The following STXBP6 variants were observed in gnomAD, a reference collection of about 807,000 sequenced individuals.
STXBP6 encodes the protein syntaxin binding protein 6, also known as syntaxin-binding protein 6.
STXBP6 carries 21 observed loss-of-function variants against 26.9 expected under a neutral mutation model. The observed-to-expected ratio is 0.78, with a 90% CI of 0.55 to 1.12. The LOEUF is 1.12. Among genes scored for constraint, STXBP6 ranks in the 50% most tolerant of loss-of-function variants. The pLI is 0.00. For synonymous variants in STXBP6, 97 were observed against 92.6 expected (o/e 1.05, Z -0.27); for missense variants, 232 against 257.9 (o/e 0.90, Z 0.69).
At chr14:24,872,922 G>T (rs1209721784) in intron 2 of STXBP6, among the ~76,000 whole-genome samples, 1 of 152,098 alleles carries the variant, frequency 6.6e-6, no homozygotes, top group East Asian at 1.9e-4. Context: ...CATTCATTTT[G>T]GGACTTTGTT....
intron 1 of STXBP6, among the ~76,000 whole-genome samples, chr14:25,015,591 C>T (rs2075131116): frequency 6.6e-6 from 1 of 151,816 alleles, no homozygotes; most frequent in African/African-American, 2.4e-5. Flanking sequence ...GTCAGAATCC[C>T]GGAGCAAGTT....
chr14:24,876,232 G>A (rs925378417), intron 2 of STXBP6, among the ~76,000 whole-genome samples: 3 of 152,198 alleles, frequency 2.0e-5, no homozygotes, highest in African/African-American at 7.2e-5. Flanking sequence ...GCCAGCCAGA[G>A]AGCAGCTGAT....
chr14:24,849,848 C>T (rs544584296), intron 4 of STXBP6, among the ~76,000 whole-genome samples: 1 of 152,060 alleles, frequency 6.6e-6, no homozygotes, highest in Non-Finnish European at 1.5e-5. Context: ...AATATGTGTG[C>T]GTGCATCTCC....
chr14:24,906,927 A>G (rs12896576), intron 2 of STXBP6, among the ~76,000 whole-genome samples: 21,140 of 152,108 alleles, frequency 0.14, 1,557 homozygotes, highest in African/African-American at 0.18. Flanking sequence ...AAATATACAA[A>G]CAGTACTATC....
At chr14:24,834,342 T>G (rs544832441) in intron 4 of STXBP6, among the ~76,000 whole-genome samples, 1 of 152,334 alleles carries the variant, frequency 6.6e-6, no homozygotes, top group African/African-American at 2.4e-5. Flanking sequence ...ACTTACAGGT[T>G]CAAATTTTAA....
intron 1 of STXBP6, among the ~76,000 whole-genome samples, chr14:24,976,942 A>C (rs545434133): frequency 7.3e-6 from 1 of 137,442 alleles, no homozygotes; most frequent in South Asian, 2.3e-4. Context: ...GACTCACTGC[A>C]ACCTCCACTT....
intron 2 of STXBP6, among the ~76,000 whole-genome samples, chr14:24,892,130 G>A (rs574392225): frequency 6.6e-6 from 1 of 152,176 alleles, no homozygotes; most frequent in African/African-American, 2.4e-5. Context: ...GGTAGTGTCT[G>A]TCTTGCTCCC....
intron 2 of STXBP6, among the ~76,000 whole-genome samples, chr14:24,925,813 T>TC (rs2072142330): frequency 6.6e-6 from 1 of 151,598 alleles, no homozygotes; most frequent in Non-Finnish European, 1.5e-5. Context: ...AATTTCTAAC[T>TC]CCCCCCTACA....
intron 1 of STXBP6, among the ~76,000 whole-genome samples, chr14:25,041,745 T>TGAAG (rs1209264612): frequency 6.6e-6 from 1 of 152,248 alleles, no homozygotes; most frequent in Non-Finnish European, 1.5e-5. Context: ...AGAAGCGCAG[T>TGAAG]GAGTCCCAGT....
intron 1 of STXBP6, among the ~76,000 whole-genome samples, chr14:25,020,473 C>CCAGG (rs1235031618): frequency 1.3e-5 from 2 of 152,108 alleles, no homozygotes. Context: ...ATCATTCGAA[C>CCAGG]CCTGACCAAA....
chr14:24,892,953 C>T (rs2070848100), intron 2 of STXBP6, among the ~76,000 whole-genome samples: 1 of 152,206 alleles, frequency 6.6e-6, no homozygotes, highest in South Asian at 2.1e-4. Flanking sequence ...CCACATTCCG[C>T]TGCTTTGAAG....
At chr14:24,944,342 T>C (rs564174554) in intron 2 of STXBP6, among the ~76,000 whole-genome samples, 3 of 152,328 alleles carry the variant, frequency 2.0e-5, no homozygotes, top group Non-Finnish European at 4.4e-5. Context: ...GCCATTTTTC[T>C]TCTTGCTTTA....
In STXBP6 at chr14:24,819,102, G is replaced by T. The variant is rs140322494; in HGVS notation, c.544C>A (p.Arg182=). 1.9e-6 allele frequency: 3 copies of T among 1,613,830 alleles called. No homozygotes were observed. Among genetic ancestry groups the T allele is most frequent in the Admixed American group, 1.7e-5 (1 of 59,990 alleles). Residue 182 remains arginine (R), a synonymous_variant, in exon 5 of 6, where the codon CGA becomes AGA. Transcript: ENST00000323944. Reference sequence around the variant, plus strand: ...AGGTCTTCTGTCTTCTCCTCTGCTCGGCCTAATCGCTCTCCACGCTCATTC... The same window carrying T: ...AGGTCTTCTGTCTTCTCCTCTGCTCTGCCTAATCGCTCTCCACGCTCATTC... ...ALNERGERLG[R]AEEKTEDLKN...
chr14:25,015,827 A>T (rs367703373), intron 1 of STXBP6, among the ~76,000 whole-genome samples: 15 of 151,812 alleles, frequency 9.9e-5, no homozygotes, highest in African/African-American at 3.6e-4. Flanking sequence ...TCAAACTGCT[A>T]CTTCTCCTGT....
intron 2 of STXBP6, among the ~76,000 whole-genome samples, chr14:24,937,447 G>C (rs2072642912): frequency 6.6e-6 from 1 of 152,134 alleles, no homozygotes; most frequent in Non-Finnish European, 1.5e-5. Flanking sequence ...TTTGAAGGCA[G>C]TTTACAGGGC....
rs1474648802 is a variant in STXBP6 at position 24,810,900 on chromosome 14, T to TGTGTGTGTGTGC, written c.*1808_*1809insGCACACACACAC. ...GTGTGTGTGTGTGTGTGTGTGTGTG[T>TGTGTGTGTGTGC]GCATTCTGAACTGAGATCTGCAAAC... is the stretch of plus-strand genomic sequence containing the variant. On this transcript the variant is annotated 3_prime_UTR_variant, in exon 6 of 6. Coordinates refer to ENST00000323944, the MANE Select transcript of STXBP6 (RefSeq NM_001394410.1). The TGTGTGTGTGTGC allele has an allele frequency of 5.3e-5, 8 of 152,214 alleles. No homozygotes were observed. In the East Asian group the frequency reaches 1.5e-3, roughly 29 times the overall value. The allele number at this position is 152,214 out of a possible 1,614,324, so 9.4% of individuals were successfully genotyped here.
At chr14:24,971,288 G>C (rs1465094485) in intron 2 of STXBP6, among the ~76,000 whole-genome samples, 1 of 152,176 alleles carries the variant, frequency 6.6e-6, no homozygotes, top group African/African-American at 2.4e-5. Flanking sequence ...AAACACCCAT[G>C]TCTAGATGCA....
chr14:24,978,144 T>TA (rs149016179), intron 1 of STXBP6, among the ~76,000 whole-genome samples: 4 of 152,162 alleles, frequency 2.6e-5, no homozygotes, highest in Admixed American at 2.6e-4. Context: ...AGCAATAACT[T>TA]AAGAGTATCC....
intron 4 of STXBP6, among the ~76,000 whole-genome samples, chr14:24,838,342 T>C (rs1419641248): frequency 6.6e-6 from 1 of 152,054 alleles, no homozygotes; most frequent in East Asian, 1.9e-4. Flanking sequence ...AGCATCAACA[T>C]ATCTGCTGTG....
Sources: allele counts gnomAD v4.1 joint callset (sites outside exome capture counted in the v4.1 genomes callset), GRCh38; gene constraint gnomAD v4.1.1; transcripts MANE v1.5; gene names NCBI Gene and HGNC (gene_info 2026-07-23, HGNC 2026-07-21).